Variants in FAR2 observed in about 807,000 individuals in gnomAD.
FAR2 encodes the protein fatty acyl-CoA reductase 2, also known as epididymis secretory protein Li 81.
FAR2 carries 19 observed loss-of-function variants against 56.0 expected under a neutral mutation model. That is an observed-to-expected ratio of 0.34 (90% confidence interval 0.24 to 0.50). The LOEUF (loss-of-function observed/expected upper bound fraction) is 0.50, where lower values mean the gene tolerates loss of function less well. Ranked by LOEUF, FAR2 falls within the 20% of genes least tolerant of loss-of-function variation. The pLI is 0.98. For synonymous variants in FAR2, 219 were observed against 218.8 expected, an observed-to-expected ratio of 1.00 and a Z score of -0.01; for missense variants, 508 against 642.2, an observed-to-expected ratio of 0.79 and a Z score of 2.26.
chr12:29,253,423 A>ATAGG (rs1282234668), intron 1 of FAR2, among the ~76,000 whole-genome samples: 1 of 151,110 alleles, frequency 6.6e-6, no homozygotes, highest in Non-Finnish European at 1.5e-5. Context: ...AGATAGATAG[A>ATAGG]TAGATATGTA....
At chr12:29,303,864 G>A (rs1045642827) in intron 4 of FAR2, among the ~76,000 whole-genome samples, 4 of 152,186 alleles carry the variant, frequency 2.6e-5, no homozygotes, top group African/African-American at 9.6e-5. Context: ...ACCAGAATAA[G>A]ATTAAATTGT....
chr12:29,303,180 A>T (rs982125131), intron 4 of FAR2, among the ~76,000 whole-genome samples: 4 of 152,166 alleles, frequency 2.6e-5, no homozygotes, highest in Non-Finnish European at 5.9e-5. Context: ...GCATGTTGAA[A>T]ATACAGATTA....
intron 2 of FAR2, among the ~76,000 whole-genome samples, chr12:29,289,245 A>G (rs80277951): frequency 6.6e-6 from 1 of 152,240 alleles, no homozygotes; most frequent in East Asian, 1.9e-4. Context: ...AGCTAACCTG[A>G]GCAAAAAAGA....
intron 1 of FAR2, among the ~76,000 whole-genome samples, chr12:29,174,582 G>A (rs558607347): frequency 1.3e-4 from 19 of 150,392 alleles, no homozygotes; most frequent in Admixed American, 3.3e-4. Context: ...CACCACGCCC[G>A]GCTAATTTTT....
chr12:29,253,274 T>TATCTATATCTATCTAGATAG lies in FAR2; in HGVS notation c.-38-17136_-38-17135insCTATATCTATCTAGATAGAT, dbSNP rs1565489412. 5.2e-3 allele frequency among the ~76,000 whole-genome samples: 88 copies of TATCTATATCTATCTAGATAG among 16,952 alleles called. 7 individuals carry two copies. The highest frequency in any genetic ancestry group is 0.091 in the Middle Eastern group (2 of 22). The allele number at this position is 16,952 out of a possible 152,430, so 11.1% of individuals were successfully genotyped here. On this transcript the variant is annotated intron_variant, in intron 1 of 11. Transcript: ENST00000536681. The stretch of plus-strand genomic sequence containing the variant: ...CGATATCTATCTAGATAGATATCTA[T>TATCTATATCTATCTAGATAG]ATATCGATATCTATATCTATCTAGA...
At chr12:29,224,105 A>G (rs1327761214) in intron 1 of FAR2, among the ~76,000 whole-genome samples, 1 of 152,232 alleles carries the variant, frequency 6.6e-6, no homozygotes, top group Non-Finnish European at 1.5e-5. Context: ...TCTGGTCTAC[A>G]TTGGTTAAAA....
At chr12:29,249,835 G>C (rs972622963) in intron 1 of FAR2, among the ~76,000 whole-genome samples, 1 of 152,140 alleles carries the variant, frequency 6.6e-6, no homozygotes, top group Non-Finnish European at 1.5e-5. Context: ...GACATGATCT[G>C]GAATGAGAAC....
At chr12:29,320,357 A>G (rs1949530944) in intron 9 of FAR2, among the ~76,000 whole-genome samples, 1 of 152,220 alleles carries the variant, frequency 6.6e-6, no homozygotes, top group Non-Finnish European at 1.5e-5. Flanking sequence ...AATCATATCA[A>G]TTGCATCAGA....
intron 1 of FAR2, among the ~76,000 whole-genome samples, chr12:29,160,427 C>T (rs908767014): frequency 6.6e-6 from 1 of 152,140 alleles, no homozygotes; most frequent in Non-Finnish European, 1.5e-5. Flanking sequence ...GTGGGTGTTT[C>T]CGGTGCAGAA....
At chr12:29,280,551 T>C (rs776788601) in intron 2 of FAR2, 8 of 152,232 alleles carry the variant, frequency 5.3e-5, no homozygotes, top group Non-Finnish European at 8.8e-5. Context: ...CCATTCTGCA[T>C]GAGTTGTACT....
intron 6 of FAR2, 146 bp from the exon 7 acceptor site, chr12:29,310,882 A>T: frequency 1.6e-6 from 1 of 640,944 alleles, no homozygotes; most frequent in South Asian, 1.8e-5. Context: ...AGGAAGTCAG[A>T]CTTAGCATAA....
rs1465364070 is a variant in FAR2 at position 29,334,595 on chromosome 12, C to T, written c.*801C>T. On this transcript the variant is annotated 3_prime_UTR_variant, in exon 12 of 12. Coordinates refer to ENST00000536681, the MANE Select transcript of FAR2 (RefSeq NM_001271783.2). ...AAGAGTCTCCTTCTTCTAAAAGTTG[C>T]CAAACCCTTTATATTTAAGCTTTTT... 2.0e-5 allele frequency: 3 copies of T among 152,106 alleles called. No individual in the cohort carries two copies. The highest frequency in any genetic ancestry group is 6.6e-5 in the Admixed American group (1 of 15,256). The allele number at this position is 152,106 out of a possible 1,614,324, so 9.4% of individuals were successfully genotyped here.
chr12:29,306,201 T>C (rs551660668), intron 4 of FAR2, among the ~76,000 whole-genome samples: 1 of 152,244 alleles, frequency 6.6e-6, no homozygotes, highest in African/African-American at 2.4e-5. Context: ...ACCATATAAT[T>C]AAAATATCCT....
At chr12:29,268,807 A>G (rs1948563859) in intron 1 of FAR2, among the ~76,000 whole-genome samples, 2 of 152,192 alleles carry the variant, frequency 1.3e-5, no homozygotes, top group Non-Finnish European at 2.9e-5. Context: ...AAAGCTGGGC[A>G]TCCGGGGGAG....
chr12:29,156,181 C>G (rs1478645569), intron 1 of FAR2, among the ~76,000 whole-genome samples: 2 of 151,980 alleles, frequency 1.3e-5, no homozygotes, highest in African/African-American at 4.8e-5. Context: ...AGATCTACTG[C>G]ACAGCGGAAT....
chr12:29,166,183 T>C (rs1456747695), intron 1 of FAR2, among the ~76,000 whole-genome samples: 5 of 152,252 alleles, frequency 3.3e-5, no homozygotes, highest in African/African-American at 1.2e-4. Flanking sequence ...AAGATGTAAA[T>C]TATAAGAGTT....
intron 8 of FAR2, among the ~76,000 whole-genome samples, chr12:29,315,439 G>A (rs1252727710): frequency 1.3e-5 from 2 of 152,160 alleles, no homozygotes; most frequent in African/African-American, 4.8e-5. Context: ...AGATTCCACT[G>A]AAGGGCTCTG....
chr12:29,152,852 A>G (rs1949692159), intron 1 of FAR2, among the ~76,000 whole-genome samples: 1 of 152,256 alleles, frequency 6.6e-6, no homozygotes, highest in South Asian at 2.1e-4. Context: ...TGAGGGAAGC[A>G]TAAGAGGAAA....
At chr12:29,229,315 G>A (rs925352187) in intron 1 of FAR2, among the ~76,000 whole-genome samples, 1 of 152,166 alleles carries the variant, frequency 6.6e-6, no homozygotes, top group Admixed American at 6.5e-5. Flanking sequence ...AGCTCTGCAG[G>A]TGACTGAGAT....
Sources: allele counts gnomAD v4.1 joint callset (sites outside exome capture counted in the v4.1 genomes callset), GRCh38; gene constraint gnomAD v4.1.1; transcripts MANE v1.5; gene names NCBI Gene and HGNC (gene_info 2026-07-23, HGNC 2026-07-21).